The following ZNF558 variants were observed in gnomAD, a reference collection of about 807,000 sequenced individuals.
The protein encoded by ZNF558 is zinc finger protein 558.
Under a neutral mutation model 37.6 loss-of-function variants are expected in ZNF558, and 23 were observed. The ratio of observed to expected loss-of-function variants is 0.61; its 90% CI spans 0.44 to 0.87. The LOEUF is 0.87. Among genes scored for constraint, ZNF558 ranks in the 40% least tolerant of loss-of-function variants. The pLI, the probability that ZNF558 is intolerant of heterozygous loss-of-function variation, is 0.00. For missense variants in ZNF558, 429 were observed against 483.7 expected, an observed-to-expected ratio of 0.89 and a Z score of 1.06; for synonymous variants, 189 against 174.4, an observed-to-expected ratio of 1.08 and a Z score of -0.66.
rs750616130 is a variant in ZNF558, at chr19:8,822,081, G to A, written c.42C>T (p.Ser14=). Residue 14 remains serine (S), a synonymous_variant, in exon 6 of 10, where the codon TCC becomes TCT. Coordinates refer to ENST00000601372, the MANE Select transcript of ZNF558 (RefSeq NM_144693.3). The surrounding 1 kb of genome is among the most constrained non-coding windows in gnomAD (Gnocchi z 4.4). ...CTTTTTGCTGAGAGGCTGGGAACAG[G>A]GAAGACGGAGCTGGAGGAGGAGAAA... ...VILPSTAAPS[S]LFPASQQKGH... 1.9e-5 allele frequency: 31 copies of A among 1,613,962 alleles called. No homozygotes were observed. Among genetic ancestry groups the A allele is most frequent in the Non-Finnish European group, 2.5e-5 (30 of 1,179,984 alleles).
At chr19:8,821,565 T>C (rs72998065) in intron 6 of ZNF558, 21 of 1,406,460 alleles carry the variant, frequency 1.5e-5, no homozygotes, top group Non-Finnish European at 1.8e-5. Flanking sequence ...CCAGGTCCAG[T>C]GCACAGTACC....
chr19:8,821,941 G>A, intron 6 of ZNF558, 62 bp downstream of exon 6: 1 of 1,603,350 alleles, frequency 6.2e-7, no homozygotes, highest in Non-Finnish European at 8.5e-7. Context: ...CTGCTGGAAG[G>A]TATCAAGTCC....
At position 8,811,594 on chromosome 19, in the gene ZNF558, T is replaced by C; in HGVS notation, c.896A>G (p.Lys299Arg). The C allele has an allele frequency of 6.2e-7, 1 of 1,614,196 alleles. No individual in the cohort carries two copies. The highest frequency in any genetic ancestry group is 8.5e-7 in the Non-Finnish European group (1 of 1,180,026). The change falls in exon 10 of 10, where the codon AAA (lysine) becomes AGA (arginine). Residue 299 changes from lysine (K) to arginine (R), a missense_variant. Transcript: ENST00000601372. ...CAGATAGGAGCTCTTCCTGAAGGTTTTCCCACAATCGTGACATTCATAAGG... is the reference window on the plus strand; with the variant it reads ...CAGATAGGAGCTCTTCCTGAAGGTTCTCCCACAATCGTGACATTCATAAGG... ...EKPYECHDCG[K>R]TFRKSSYLTQ...
At chr19:8,837,734 C>T in the ZNF558 span, among the ~76,000 whole-genome samples, 1 of 152,198 alleles carries the variant, frequency 6.6e-6, no homozygotes, top group African/African-American at 2.4e-5. Flanking sequence ...ATAGTCACTT[C>T]CGGCTACCTT....
intron 7 of ZNF558, among the ~76,000 whole-genome samples, chr19:8,818,350 G>A (rs2043994508): frequency 6.6e-6 from 1 of 152,116 alleles, no homozygotes; most frequent in Non-Finnish European, 1.5e-5. Flanking sequence ...TACTCGGGAG[G>A]CTGACGCAGG....
Position 8,822,681 on chromosome 19 carries a change from G to C in ZNF558, c.-22C>G, listed in dbSNP as rs1176440969. The stretch of plus-strand genomic sequence containing the variant: ...CCATCCTGTGACTCCGACAGCAACA[G>C]GGCAGCCGGGAAGCAGGACGCTCCT... On this transcript the variant is annotated 5_prime_UTR_variant, in exon 5 of 10. Coordinates refer to ENST00000601372, the MANE Select transcript of ZNF558 (RefSeq NM_144693.3). This position sits in a 1 kb window ranked among gnomAD's most constrained non-coding sequence, Gnocchi z 4.4. The C allele has an allele frequency of 6.2e-7, 1 of 1,613,952 alleles. No homozygotes were observed. Among genetic ancestry groups the C allele is most frequent in the Non-Finnish European group, 8.5e-7 (1 of 1,179,986 alleles).
chr19:8,817,481 A>T (rs1401153848), intron 7 of ZNF558, among the ~76,000 whole-genome samples: 1 of 152,236 alleles, frequency 6.6e-6, no homozygotes, highest in East Asian at 1.9e-4. Context: ...GAGCATGTTT[A>T]GGCTAGGCTA....
At chr19:8,834,069 G>T (rs1023985378), upstream of ZNF558, among the ~76,000 whole-genome samples, 2 of 152,154 alleles carry the variant, frequency 1.3e-5, no homozygotes, top group African/African-American at 4.8e-5. Context: ...TTTTATGTAA[G>T]AGAGTGGTAA....
At chr19:8,835,181 A>ATCC (rs2044442332), upstream of ZNF558, among the ~76,000 whole-genome samples, 1 of 151,844 alleles carries the variant, frequency 6.6e-6, no homozygotes, top group African/African-American at 2.4e-5. Flanking sequence ...CCTCCCAAGT[A>ATCC]GCTGGGACCA....
At position 8,822,343 on chromosome 19, in the gene ZNF558, G is replaced by C. The variant is rs1378702974; in HGVS notation, c.32-252C>G. Among the ~76,000 whole-genome samples, 1 of 152,156 alleles carries C rather than the reference G, an allele frequency of 6.6e-6. No homozygotes were observed. The highest frequency in any genetic ancestry group is 1.5e-5 in the Non-Finnish European group (1 of 68,038). ...GGGATTATTCCCACTTCACAGATGA[G>C]GAAACAAGTTCCAAGGGCGTCACTG... On this transcript the variant is annotated intron_variant, in intron 5 of 9. Transcript: ENST00000601372. The surrounding 1 kb of genome is among the most constrained non-coding windows in gnomAD (Gnocchi z 4.4).
At position 8,822,529 on chromosome 19, in the gene ZNF558, C is replaced by T; in HGVS notation, c.31+100G>A. On this transcript the variant is annotated intron_variant, in intron 5 of 9. Coordinates refer to ENST00000601372, the MANE Select transcript of ZNF558 (RefSeq NM_144693.3). The surrounding 1 kb of genome is among the most constrained non-coding windows in gnomAD (Gnocchi z 4.4). ...ACCTCTGGGCCCCTGGGGCTCCACTCCTGCCTCACCTGCTCTGCCCAACCC... is the reference window on the plus strand; with the variant it reads ...ACCTCTGGGCCCCTGGGGCTCCACTTCTGCCTCACCTGCTCTGCCCAACCC... The T allele has an allele frequency of 2.6e-6, 4 of 1,564,038 alleles. No homozygotes were observed. The Middle Eastern group carries it at 5.1e-4, about 198-fold the overall frequency.
In ZNF558 at chr19:8,811,870, G is replaced by A; in HGVS notation, c.620C>T (p.Pro207Leu). Residue 207 changes from proline (P) to leucine (L), a missense_variant, in exon 10 of 10, where the codon CCC becomes CTC. Coordinates refer to ENST00000601372, the MANE Select transcript of ZNF558 (RefSeq NM_144693.3). ...IHKRIHNGEK[P>L]YECNHCGKAF... ...TTTCCCACAGTGATTGCATTCATAG[G>A]GTTTCTCCCCATTATGGATTCTCTT... 1.2e-6 allele frequency: 2 copies of A among 1,614,006 alleles called. No individual in the cohort carries two copies. The highest frequency in any genetic ancestry group is 8.5e-7 in the Non-Finnish European group (1 of 1,179,982).
In ZNF558 at chr19:8,807,741, C is replaced by CA. The variant is rs1555766459; in HGVS notation, c.*3539_*3540insT. 1 of 151,992 alleles carries CA rather than the reference C, an allele frequency of 6.6e-6. No individual in the cohort carries two copies. The highest frequency in any genetic ancestry group is 2.4e-5 in the African/African-American group (1 of 41,384). 9.4% of individuals were successfully genotyped at this position (151,992 alleles called of 1,614,324 possible). A position where few individuals can be genotyped will look rare whatever the true frequency, so the allele number is the denominator to read the frequency against. ...AACCCCCCTTAACTCTCCTAAAATGCTTTTTTTTCCTATAACTCTATAATA... is the reference window on the plus strand; with the variant it reads ...AACCCCCCTTAACTCTCCTAAAATGCATTTTTTTTCCTATAACTCTATAATA... On this transcript the variant is annotated 3_prime_UTR_variant, in exon 10 of 10. Coordinates refer to ENST00000601372, the MANE Select transcript of ZNF558 (RefSeq NM_144693.3).
At chr19:8,821,903 G>A (rs1361773825) in intron 6 of ZNF558, 100 bp downstream of exon 6, 4 of 1,550,072 alleles carry the variant, frequency 2.6e-6, no homozygotes, top group African/African-American at 2.7e-5. Context: ...GGATGCCTGA[G>A]GACCTGGTTT....
intron 7 of ZNF558, 112 bp from the exon 8 acceptor site, chr19:8,813,334 A>C (rs2043845198): frequency 2.6e-6 from 2 of 775,566 alleles, no homozygotes; most frequent in Non-Finnish European, 4.3e-6. Flanking sequence ...AGGAGCAGTG[A>C]AATAAATTAT....
intron 8 of ZNF558, 41 bp from the exon 9 acceptor site, chr19:8,812,684 G>A: frequency 7.1e-7 from 1 of 1,407,606 alleles, no homozygotes; most frequent in Non-Finnish European, 9.8e-7. Context: ...ATGGAGAAAA[G>A]AAATGGAAAA....
chr19:8,817,500 T>C (rs963501255), intron 7 of ZNF558, among the ~76,000 whole-genome samples: 1 of 152,046 alleles, frequency 6.6e-6, no homozygotes, highest in African/African-American at 2.4e-5. Context: ...TAACTTATGA[T>C]GTTCAGTGGG....
chr19:8,822,950 C>T lies in ZNF558; in HGVS notation c.-65-226G>A. ...GACCAGTACCTCCCTGACCCACCCG[C>T]TTTGAGAACCTCGGCTTCACGCAGT... On this transcript the variant is annotated intron_variant, in intron 4 of 9. Transcript: ENST00000601372. The surrounding 1 kb of genome is among the most constrained non-coding windows in gnomAD (Gnocchi z 4.4). 2.2e-6 allele frequency: 1 copy of T among 462,952 alleles called. No homozygotes were observed. The highest frequency in any genetic ancestry group is 4.0e-6 in the Non-Finnish European group (1 of 251,248). The allele number at this position is 462,952 out of a possible 1,614,324, so 28.7% of individuals were successfully genotyped here. A position where few individuals can be genotyped will look rare whatever the true frequency, so the allele number is the denominator to read the frequency against.
chr19:8,816,592 A>AGACCTTCCTC (rs1456195213), intron 7 of ZNF558, among the ~76,000 whole-genome samples: 1 of 152,210 alleles, frequency 6.6e-6, no homozygotes, highest in Non-Finnish European at 1.5e-5. Context: ...AAAGAAATGA[A>AGACCTTCCTC]GACCTTCCCA....
Sources: allele counts gnomAD v4.1 joint callset (sites outside exome capture counted in the v4.1 genomes callset), GRCh38; gene constraint gnomAD v4.1.1; non-coding constraint Gnocchi (gnomAD v3.1); transcripts MANE v1.5; gene names NCBI Gene and HGNC (gene_info 2026-07-23, HGNC 2026-07-21).